The following MAPK10 variants were observed in gnomAD, a reference collection of about 807,000 sequenced individuals.
The protein encoded by MAPK10 is mitogen-activated protein kinase 10, also known as JNK3 alpha protein kinase.
MAPK10 carries 25 observed loss-of-function variants against 59.3 expected under a neutral mutation model. The ratio of observed to expected loss-of-function variants is 0.42; its 90% CI spans 0.31 to 0.59. The LOEUF (loss-of-function observed/expected upper bound fraction) is 0.59, where lower values mean the gene tolerates loss of function less well. Ranked by LOEUF, MAPK10 falls within the 20% of genes least tolerant of loss-of-function variation. MAPK10 has a pLI of 0.15. For synonymous variants in MAPK10, 190 were observed against 200.5 expected (o/e 0.95, Z 0.44); for missense variants, 351 against 568.9 (o/e 0.62, Z 3.90).
At chr4:86,346,431 CAA>C (rs1351603739) in intron 2 of MAPK10, among the ~76,000 whole-genome samples, 1 of 152,040 alleles carries the variant, frequency 6.6e-6, no homozygotes, top group Admixed American at 6.6e-5. Context: ...TTGTTTATAA[CAA>C]GAGAAAAATG....
intron 8 of MAPK10, chr4:86,100,212 T>C (rs1238804211): frequency 6.6e-6 from 1 of 152,224 alleles, no homozygotes; most frequent in Non-Finnish European, 1.5e-5. Context: ...AATTTAAAAC[T>C]ATTTTAATTC....
At chr4:86,437,422 T>C (rs981337384) in intron 1 of MAPK10, among the ~76,000 whole-genome samples, 2 of 152,138 alleles carry the variant, frequency 1.3e-5, no homozygotes, top group African/African-American at 4.8e-5. Flanking sequence ...ATTACATAAA[T>C]TGATATTTCA....
intron 3 of MAPK10, among the ~76,000 whole-genome samples, chr4:86,174,557 C>G (rs1178944995): frequency 6.6e-6 from 1 of 152,134 alleles, no homozygotes; most frequent in Non-Finnish European, 1.5e-5. Flanking sequence ...CACATATTTA[C>G]CTATGTAACA....
chr4:86,409,273 A>G (rs940426258), intron 1 of MAPK10, among the ~76,000 whole-genome samples: 1 of 152,176 alleles, frequency 6.6e-6, no homozygotes, highest in African/African-American at 2.4e-5. Flanking sequence ...CTGTTTTGGT[A>G]CAAGTACCAT....
Position 86,093,114 on chromosome 4 carries a change from C to G in MAPK10, c.802+5410G>C, listed in dbSNP as rs531026507. On this transcript the variant is annotated intron_variant, in intron 9 of 13. Transcript: ENST00000641462. ...AGATAGAAATTATACAATGTAAGCC[C>G]TGGAAGTTAAATCTAAATAAATAAA... Among the ~76,000 whole-genome samples, 5 of 152,034 alleles carry G rather than the reference C, an allele frequency of 3.3e-5. No individual in the cohort carries two copies. The South Asian group carries it at 1.0e-3, about 32-fold the overall frequency.
At chr4:86,184,823 G>A (rs1242994563) in intron 3 of MAPK10, among the ~76,000 whole-genome samples, 1 of 152,134 alleles carries the variant, frequency 6.6e-6, no homozygotes, top group Non-Finnish European at 1.5e-5. Context: ...AGAACCATGA[G>A]CCAGTTAAAC....
chr4:86,089,110 C>A, intron 9 of MAPK10: 2 of 898,204 alleles, frequency 2.2e-6, no homozygotes, highest in South Asian at 1.8e-5. Context: ...TCTCTAAGGA[C>A]AGTGAACAAA....
At chr4:86,520,405 T>C (rs543843257) in intron 1 of MAPK10, among the ~76,000 whole-genome samples, 1 of 152,326 alleles carries the variant, frequency 6.6e-6, no homozygotes, top group African/African-American at 2.4e-5. Context: ...GATTCTATTG[T>C]TGAAATTTTC....
At chr4:86,485,237 C>T in intron 1 of MAPK10, among the ~76,000 whole-genome samples, 1 of 152,186 alleles carries the variant, frequency 6.6e-6, no homozygotes, top group East Asian at 1.9e-4. Context: ...CTTCCCCAAC[C>T]ACACTAAATT....
At chr4:86,328,694 C>T (rs1485463680) in intron 2 of MAPK10, among the ~76,000 whole-genome samples, 6 of 152,176 alleles carry the variant, frequency 3.9e-5, no homozygotes, top group African/African-American at 1.4e-4. Flanking sequence ...AGTTCATGTT[C>T]TTTGCAGGGA....
At chr4:86,085,048 A>G (rs996819216) in intron 9 of MAPK10, among the ~76,000 whole-genome samples, 4 of 152,218 alleles carry the variant, frequency 2.6e-5, no homozygotes, top group Non-Finnish European at 4.4e-5. Flanking sequence ...ATCCACATGC[A>G]GAAGAATAAA....
chr4:86,291,553 A>T lies in MAPK10; in HGVS notation c.-7+62977T>A, dbSNP rs540567577. Among the ~76,000 whole-genome samples, 9 of 152,352 alleles carry T rather than the reference A, an allele frequency of 5.9e-5. No individual in the cohort carries two copies. In the South Asian group the frequency reaches 1.9e-3, roughly 32 times the overall value. ...GAGCTATACACATTTTTTTAAAGAAATGCATATAGCTTTGGCATTTCAAAA... is the reference window on the plus strand; with the variant it reads ...GAGCTATACACATTTTTTTAAAGAATTGCATATAGCTTTGGCATTTCAAAA... On this transcript the variant is annotated intron_variant, in intron 2 of 13. Coordinates refer to ENST00000641462, the MANE Select transcript of MAPK10 (RefSeq NM_138982.4).
At chr4:86,582,418 G>T (rs1329197602) in intron 1 of MAPK10, among the ~76,000 whole-genome samples, 1 of 152,016 alleles carries the variant, frequency 6.6e-6, no homozygotes, top group African/African-American at 2.4e-5. Context: ...TCAAGCAAGG[G>T]TTTTTGCACA....
intron 2 of MAPK10, among the ~76,000 whole-genome samples, chr4:86,298,209 C>A (rs1294594338): frequency 1.3e-5 from 2 of 152,134 alleles, no homozygotes; most frequent in Non-Finnish European, 2.9e-5. Flanking sequence ...CACTCTATTA[C>A]AATTTCCTAT....
upstream of MAPK10, among the ~76,000 whole-genome samples, chr4:86,363,643 G>A (rs1049554471): frequency 7.2e-5 from 11 of 152,088 alleles, no homozygotes; most frequent in African/African-American, 2.7e-4. Flanking sequence ...TTTGTAGTGA[G>A]ACATTTGAAA....
chr4:86,454,402 TAGAC>T (rs577958377), upstream of MAPK10, among the ~76,000 whole-genome samples: 1 of 152,024 alleles, frequency 6.6e-6, no homozygotes, highest in Non-Finnish European at 1.5e-5. Flanking sequence ...GTCAATGAAA[TAGAC>T]AGCATAAATA....
In MAPK10 at chr4:86,449,791, C is replaced by T. The variant is rs116956290; in HGVS notation, c.-122+3239G>A. On this transcript the variant is annotated intron_variant, in intron 1 of 13. Coordinates refer to the MAPK10 transcript ENST00000361569. ...ATTGTTACATTATATGAGACTTCATCCCAGAAGACTGGAGGACAAAATTTT... is the reference window on the plus strand; with the variant it reads ...ATTGTTACATTATATGAGACTTCATTCCAGAAGACTGGAGGACAAAATTTT... 4.6e-5 allele frequency among the ~76,000 whole-genome samples: 7 copies of T among 152,338 alleles called. No homozygotes were observed. The East Asian group carries it at 1.3e-3, about 29-fold the overall frequency.
intron 11 of MAPK10, among the ~76,000 whole-genome samples, chr4:86,059,275 T>C (rs2045253360): frequency 1.3e-5 from 2 of 152,208 alleles, no homozygotes; most frequent in Non-Finnish European, 2.9e-5. Flanking sequence ...GATGGCCTTG[T>C]AATAAAATAG....
At chr4:86,398,322 G>A (rs1238600138) in intron 1 of MAPK10, among the ~76,000 whole-genome samples, 5 of 152,014 alleles carry the variant, frequency 3.3e-5, no homozygotes, top group Admixed American at 2.6e-4. Flanking sequence ...GCTACTTTCA[G>A]GGTTCTAAGG....
Sources: allele counts gnomAD v4.1 joint callset (sites outside exome capture counted in the v4.1 genomes callset), GRCh38; gene constraint gnomAD v4.1.1; transcripts MANE v1.5; gene names NCBI Gene and HGNC (gene_info 2026-07-23, HGNC 2026-07-21).